SLC35F4: variants seen among roughly 807,000 people sequenced by gnomAD.
SLC35F4 encodes chromosome 14 open reading frame 36.
In SLC35F4, 24 loss-of-function variants were observed where a neutral mutation model predicts 44.2. The observed-to-expected ratio is 0.54, with a 90% CI of 0.39 to 0.76. The LOEUF is 0.76. Ranked by LOEUF, SLC35F4 falls within the 30% of genes least tolerant of loss-of-function variation. SLC35F4 has a pLI of 0.00. For missense variants in SLC35F4, 562 were observed against 586.1 expected (o/e 0.96, Z 0.42); for synonymous variants, 238 against 223.6 (o/e 1.06, Z -0.57).
intron 1 of SLC35F4, among the ~76,000 whole-genome samples, chr14:57,861,776 T>C (rs779602516): frequency 1.3e-5 from 2 of 152,146 alleles, no homozygotes; most frequent in Non-Finnish European, 2.9e-5. Context: ...ATGTTCCTGG[T>C]TTTCCTCCTA....
At chr14:57,874,080 C>T (rs1178424513) in intron 1 of SLC35F4, among the ~76,000 whole-genome samples, 2 of 152,184 alleles carry the variant, frequency 1.3e-5, no homozygotes, top group Non-Finnish European at 2.9e-5. Flanking sequence ...TTACTTGCTT[C>T]TATGCAGTGG....
At chr14:57,626,662 G>T (rs959306137) in intron 1 of SLC35F4, among the ~76,000 whole-genome samples, 1 of 152,092 alleles carries the variant, frequency 6.6e-6, no homozygotes, top group Non-Finnish European at 1.5e-5. Context: ...ATTGCTAAAA[G>T]AACTATTAGA....
chr14:57,788,477 G>A (rs2077825728), intron 1 of SLC35F4, among the ~76,000 whole-genome samples: 1 of 152,102 alleles, frequency 6.6e-6, no homozygotes, highest in African/African-American at 2.4e-5. Flanking sequence ...CTATTAAACA[G>A]TGCATGGAAC....
chr14:57,669,478 A>G (rs1024516330), intron 1 of SLC35F4, among the ~76,000 whole-genome samples: 1 of 152,048 alleles, frequency 6.6e-6, no homozygotes, highest in African/African-American at 2.4e-5. Flanking sequence ...TGTCATAGAT[A>G]GCTCCTATTA....
chr14:57,866,506 G>GA (rs557537657), upstream of SLC35F4, among the ~76,000 whole-genome samples: 136 of 152,224 alleles, frequency 8.9e-4, 1 homozygote, highest in African/African-American at 3.2e-3. Flanking sequence ...GAAATGACAA[G>GA]AAAATTAGTT....
chr14:57,810,457 T>A (rs1427996788), intron 1 of SLC35F4, among the ~76,000 whole-genome samples: 1 of 152,220 alleles, frequency 6.6e-6, no homozygotes, highest in African/African-American at 2.4e-5. Flanking sequence ...TTTAGAACAG[T>A]TGATGGAGAT....
intron 1 of SLC35F4, among the ~76,000 whole-genome samples, chr14:57,776,274 A>T (rs118173265): frequency 0.012 from 1,836 of 152,310 alleles, 17 homozygotes; most frequent in Non-Finnish European, 0.018. Flanking sequence ...AGAGGACAAC[A>T]TTCCAATTCA....
At chr14:57,572,350 T>A (rs1480858630) in intron 4 of SLC35F4, among the ~76,000 whole-genome samples, 4 of 152,190 alleles carry the variant, frequency 2.6e-5, no homozygotes, top group African/African-American at 4.8e-5. Flanking sequence ...ATAAATTTAA[T>A]AGGAAGTCAC....
chr14:57,841,594 A>G (rs1355378354), intron 1 of SLC35F4, among the ~76,000 whole-genome samples: 2 of 152,196 alleles, frequency 1.3e-5, no homozygotes, highest in African/African-American at 4.8e-5. Flanking sequence ...TCTGGTATCC[A>G]CTGGCCTACT....
chr14:57,642,550 A>C, intron 1 of SLC35F4, among the ~76,000 whole-genome samples: 1 of 151,958 alleles, frequency 6.6e-6, no homozygotes, highest in Non-Finnish European at 1.5e-5. Context: ...ACATGAAACA[A>C]AACTTCTTAT....
chr14:57,581,001 A>C, intron 4 of SLC35F4: 4 of 388,144 alleles, frequency 1.0e-5, no homozygotes, highest in Non-Finnish European at 1.4e-5. Context: ...TCCTGTTGGA[A>C]TGAGCTCACT....
chr14:57,638,790 G>A (rs1566713805), intron 1 of SLC35F4, among the ~76,000 whole-genome samples: 1 of 152,058 alleles, frequency 6.6e-6, no homozygotes, highest in African/African-American at 2.4e-5. Flanking sequence ...TGACAGCCAT[G>A]ATTTTCCCAC....
chr14:57,711,128 A>C (rs984884839), intron 1 of SLC35F4, among the ~76,000 whole-genome samples: 2 of 152,128 alleles, frequency 1.3e-5, no homozygotes, highest in Non-Finnish European at 2.9e-5. Context: ...TGATTGGATC[A>C]TGGGGTGGTT....
At chr14:57,702,048 C>A (rs1380695747) in intron 1 of SLC35F4, among the ~76,000 whole-genome samples, 2 of 152,118 alleles carry the variant, frequency 1.3e-5, no homozygotes, top group Non-Finnish European at 2.9e-5. Context: ...AGAGGGTGGT[C>A]TGTTTGGAAA....
chr14:57,670,054 C>T (rs1160468401), intron 1 of SLC35F4, among the ~76,000 whole-genome samples: 1 of 152,060 alleles, frequency 6.6e-6, no homozygotes, highest in African/African-American at 2.4e-5. Context: ...CTGGTTTAGT[C>T]TTGGGAGAGT....
rs200311181 is a variant in SLC35F4, at chr14:57,954,572, T to TA, written n.282+27340dup. ...AGAGAGAAGAATCAAATAGACACAG[T>TA]AAAAAAATGATAAAGGAGATATCAC... On this transcript the variant is annotated intron_variant and non_coding_transcript_variant, in intron 1 of 1. Transcript: ENST00000556568. Among the ~76,000 whole-genome samples, 1,562 of 151,520 alleles carry TA rather than the reference T, an allele frequency of 0.01. 44 individuals carry two copies. In the East Asian group the frequency reaches 0.13, roughly 12 times the overall value.
At chr14:57,968,211 G>T (rs1880939380) in intron 1 of SLC35F4, among the ~76,000 whole-genome samples, 1 of 152,106 alleles carries the variant, frequency 6.6e-6, no homozygotes, top group Non-Finnish European at 1.5e-5. Context: ...ATAGCTAAAG[G>T]CACTCTTCCC....
At chr14:57,898,041 A>C (rs1888919926) in intron 1 of SLC35F4, among the ~76,000 whole-genome samples, 1 of 152,198 alleles carries the variant, frequency 6.6e-6, no homozygotes, top group South Asian at 2.1e-4. Flanking sequence ...AATCATGAGT[A>C]ATCTCCATGC....
intron 1 of SLC35F4, among the ~76,000 whole-genome samples, chr14:57,757,609 G>A (rs1298467377): frequency 1.3e-5 from 2 of 151,920 alleles, no homozygotes; most frequent in Non-Finnish European, 2.9e-5. Flanking sequence ...CTACCTTCAA[G>A]CAATAATATG....
Sources: allele counts gnomAD v4.1 joint callset (sites outside exome capture counted in the v4.1 genomes callset), GRCh38; gene constraint gnomAD v4.1.1; transcripts MANE v1.5; gene names NCBI Gene and HGNC (gene_info 2026-07-23, HGNC 2026-07-21).